Variants in ZNF280D observed in about 807,000 individuals in gnomAD.
The protein encoded by ZNF280D is suppressor of hairy wing homolog 4.
Under a neutral mutation model 94.7 loss-of-function variants are expected in ZNF280D, and 39 were observed. The ratio of observed to expected loss-of-function variants is 0.41; its 90% CI spans 0.32 to 0.54. The LOEUF (loss-of-function observed/expected upper bound fraction) is 0.54, where lower values mean the gene tolerates loss of function less well. ZNF280D is among the 20% of genes least tolerant of loss of function. The pLI is 0.22. For synonymous variants in ZNF280D, 398 were observed against 377.6 expected, an observed-to-expected ratio of 1.05 and a Z score of -0.63; for missense variants, 1,090 against 1,149.3, an observed-to-expected ratio of 0.95 and a Z score of 0.75.
chr15:56,677,442 T>A (rs2055306673), intron 12 of ZNF280D, 132 bp downstream of exon 12: 2 of 598,954 alleles, frequency 3.3e-6, no homozygotes, highest in Non-Finnish European at 6.1e-6. Flanking sequence ...TTGCTGCCTA[T>A]CCCTCATATA....
At chr15:56,687,131 T>G (rs1334051691) in intron 9 of ZNF280D, among the ~76,000 whole-genome samples, 1 of 152,132 alleles carries the variant, frequency 6.6e-6, no homozygotes, top group Non-Finnish European at 1.5e-5. Context: ...AAACTTTCCC[T>G]TCCTAGATTT....
intron 10 of ZNF280D, among the ~76,000 whole-genome samples, chr15:56,679,863 C>T (rs761135344): frequency 2.0e-5 from 3 of 152,124 alleles, no homozygotes; most frequent in Non-Finnish European, 4.4e-5. Flanking sequence ...TCTTTTCCTC[C>T]TTTGGTTTTA....
At position 56,714,765 on chromosome 15, in the gene ZNF280D, C is replaced by G. The variant is rs12594892; in HGVS notation, c.-85-7459G>C. 5.1e-3 allele frequency among the ~76,000 whole-genome samples: 770 copies of G among 152,112 alleles called. 19 individuals are homozygous for G. The East Asian group carries it at 0.08, about 16-fold the overall frequency. ...TAAATCCAGATGGATTCCTTGAAGC[C>G]AAAACAATTCTCCAAGTTAGTGAGC... On this transcript the variant is annotated intron_variant, in intron 1 of 21. Transcript: ENST00000267807.
chr15:56,671,132 T>A (rs1260746761), intron 13 of ZNF280D, among the ~76,000 whole-genome samples: 1 of 152,102 alleles, frequency 6.6e-6, no homozygotes, highest in Non-Finnish European at 1.5e-5. Flanking sequence ...GTTGTCTGCT[T>A]ACTTTGTTGA....
At chr15:56,669,100 A>C in intron 13 of ZNF280D, 143 bp from the exon 14 acceptor site, 1 of 724,326 alleles carries the variant, frequency 1.4e-6, no homozygotes, top group South Asian at 2.1e-5. Flanking sequence ...AATAATATAA[A>C]ATGCCTCATT....
chr15:56,653,958 C>G, intron 19 of ZNF280D: 1 of 1,378,554 alleles, frequency 7.3e-7, no homozygotes, highest in East Asian at 2.8e-5. Flanking sequence ...AACTTGGCTG[C>G]TCAACTGCCT....
intron 6 of ZNF280D, among the ~76,000 whole-genome samples, chr15:56,694,990 G>C (rs549808211): frequency 1.3e-5 from 2 of 152,154 alleles, no homozygotes; most frequent in African/African-American, 2.4e-5. Flanking sequence ...GCAAAGTAGA[G>C]CTTATATTTT....
At chr15:56,700,490 G>A in intron 6 of ZNF280D, 1 of 991,770 alleles carries the variant, frequency 1.0e-6, no homozygotes, top group African/African-American at 1.7e-5. Flanking sequence ...AAAAGTGGGA[G>A]TTTTTTGTAA....
At chr15:56,682,853 A>G (rs933503529) in intron 9 of ZNF280D, among the ~76,000 whole-genome samples, 1 of 152,096 alleles carries the variant, frequency 6.6e-6, no homozygotes, top group Admixed American at 6.5e-5. Flanking sequence ...AAATGTTTAT[A>G]TGCCTTGATG....
At chr15:56,710,291 C>G (rs1567021938) in intron 1 of ZNF280D, among the ~76,000 whole-genome samples, 1 of 152,178 alleles carries the variant, frequency 6.6e-6, no homozygotes, top group Non-Finnish European at 1.5e-5. Context: ...GTAGTCCCAG[C>G]TACTTGGGAA....
chr15:56,666,598 C>T, intron 15 of ZNF280D, 63 bp from the exon 16 acceptor site: 2 of 1,520,540 alleles, frequency 1.3e-6, no homozygotes, highest in Admixed American at 2.3e-5. Flanking sequence ...AAGGAAGAGC[C>T]TTAATAATGT....
Position 56,689,392 on chromosome 15 carries a change from G to C in ZNF280D, c.578C>G (p.Pro193Arg), listed in dbSNP as rs2056281769. ...ATTTGCTCCAGAAACACTTTCGCTG[G>C]GTTTAGGCTTCTTTGGATTAACATT... ...VNNVNPKKPK[P>R]SESVSGANSS... The change falls in exon 8 of 22, where the codon CCC (proline) becomes CGC (arginine). Residue 193 changes from proline (P) to arginine (R), a missense_variant. Pro to Arg is a moderately radical substitution (Grantham distance 103). Transcript: ENST00000267807. 1 of 1,606,900 alleles carries C rather than the reference G, an allele frequency of 6.2e-7. No homozygotes were observed. Among genetic ancestry groups the C allele is most frequent in the Admixed American group, 1.7e-5 (1 of 59,340 alleles).
intron 13 of ZNF280D, among the ~76,000 whole-genome samples, chr15:56,669,898 ATAT>A: frequency 1.1e-4 from 1 of 8,832 alleles, no homozygotes; most frequent in Non-Finnish European, 2.1e-4. Flanking sequence ...TTATATATAT[ATAT>A]AATATATATA....
chr15:56,723,093 G>T (rs2058455301), intron 1 of ZNF280D, among the ~76,000 whole-genome samples: 1 of 128,238 alleles, frequency 7.8e-6, no homozygotes, highest in Non-Finnish European at 1.6e-5. Context: ...TGGGGGGAGG[G>T]GGGAGGGATA....
chr15:56,648,974 T>C (rs1425142954), intron 19 of ZNF280D, among the ~76,000 whole-genome samples: 2 of 152,144 alleles, frequency 1.3e-5, no homozygotes, highest in Non-Finnish European at 2.9e-5. Flanking sequence ...CACCAGGGTA[T>C]GATTTGGCCA....
In ZNF280D at chr15:56,732,727, A is replaced by C. The variant is rs1013180529; in HGVS notation, c.-86+731T>G. On this transcript the variant is annotated intron_variant, in intron 1 of 21. Transcript: ENST00000267807. The stretch of plus-strand genomic sequence containing the variant: ...CAGATTTCTCCTTAAAAGCGTTAAA[A>C]CTTGCGATAAGTTGGGAGGAATTCC... The C allele has an allele frequency of 2.6e-5, 4 of 152,272 alleles. No individual in the cohort carries two copies. In the South Asian group the frequency reaches 8.3e-4, roughly 32 times the overall value. 9.4% of individuals were successfully genotyped at this position (152,272 alleles called of 1,614,324 possible).
chr15:56,656,044 A>G (rs758195429), intron 17 of ZNF280D, among the ~76,000 whole-genome samples: 3 of 152,176 alleles, frequency 2.0e-5, no homozygotes, highest in African/African-American at 4.8e-5. Flanking sequence ...TATCCAGATC[A>G]CTACAAGAAC....
rs574448659 is a variant in ZNF280D at position 56,702,351 on chromosome 15, A to G, written c.176-1113T>C. ...ACAAGTTTTTGCCCTCCTTTCTTGC[A>G]GTTTTATATAAACATTTAACTCATG... is the stretch of plus-strand genomic sequence containing the variant. On this transcript the variant is annotated intron_variant, in intron 4 of 21. Transcript: ENST00000267807. Among the ~76,000 whole-genome samples the G allele has an allele frequency of 2.0e-4, 30 of 152,322 alleles. No individual in the cohort carries two copies. In the East Asian group the frequency reaches 5.8e-3, roughly 29 times the overall value.
At chr15:56,639,565 C>A (rs2052524771) in intron 20 of ZNF280D, among the ~76,000 whole-genome samples, 1 of 151,930 alleles carries the variant, frequency 6.6e-6, no homozygotes, top group Non-Finnish European at 1.5e-5. Flanking sequence ...AAAAAAGTAA[C>A]CTAAATACCA....
Sources: gnomAD v4.1 joint callset for allele counts (sites outside exome capture counted in the v4.1 genomes callset) on GRCh38, gnomAD v4.1.1 for gene constraint, MANE v1.5 for transcripts, NCBI Gene and HGNC (gene_info 2026-07-23, HGNC 2026-07-21) for gene names.